The following ANKS6 variants were observed in gnomAD, a reference collection of about 807,000 sequenced individuals.
ANKS6 encodes the protein ankyrin repeat and SAM domain-containing protein 6.
In ANKS6, 47 loss-of-function variants were observed where a neutral mutation model predicts 77.9. The ratio of observed to expected loss-of-function variants is 0.60; its 90% CI spans 0.48 to 0.77. The LOEUF (loss-of-function observed/expected upper bound fraction) is 0.77, where lower values mean the gene tolerates loss of function less well. Ranked by LOEUF, ANKS6 falls within the 30% of genes least tolerant of loss-of-function variation. The pLI, the probability that ANKS6 is intolerant of heterozygous loss-of-function variation, is 0.00. For missense variants in ANKS6, 1,150 were observed against 1,159.1 expected (o/e 0.99, Z 0.11); for synonymous variants, 488 against 501.7 (o/e 0.97, Z 0.37).
chr9:98,734,198 T>TG lies in ANKS6; in HGVS notation c.*2320dup. The TG allele has an allele frequency of 1.0e-6, 1 of 985,484 alleles. No individual in the cohort carries two copies. Among genetic ancestry groups the TG allele is most frequent in the South Asian group, 4.7e-5 (1 of 21,292 alleles). 61.0% of individuals were successfully genotyped at this position (985,484 alleles called of 1,614,324 possible). A position where few individuals can be genotyped will look rare whatever the true frequency, so the allele number is the denominator to read the frequency against. On this transcript the variant is annotated 3_prime_UTR_variant, in exon 15 of 15. Coordinates refer to ENST00000353234, the MANE Select transcript of ANKS6 (RefSeq NM_173551.5). The stretch of plus-strand genomic sequence containing the variant: ...ACAAACTTCCTAGGATGAAAAGCCT[T>TG]GGACACTTGAGTCCAGTGAAAAAGA...
At position 98,744,427 on chromosome 9, in the gene ANKS6, G is replaced by T. The variant is rs180914952; in HGVS notation, c.2511+1132C>A. On this transcript the variant is annotated intron_variant, in intron 14 of 14. Coordinates refer to ENST00000353234, the MANE Select transcript of ANKS6 (RefSeq NM_173551.5). The stretch of plus-strand genomic sequence containing the variant: ...TCCACTGCCCACCACCGCGTGACCT[G>T]GGCACCATGCTCCCCTCCCTAGACT... 7.2e-5 allele frequency among the ~76,000 whole-genome samples: 11 copies of T among 152,298 alleles called. No individual in the cohort carries two copies. In the East Asian group the frequency reaches 2.1e-3, roughly 29 times the overall value.
In ANKS6 at chr9:98,733,618, A is replaced by G; in HGVS notation, c.*2901T>C. 2.0e-6 allele frequency: 2 copies of G among 985,482 alleles called. No homozygotes were observed. Among genetic ancestry groups the G allele is most frequent in the Non-Finnish European group, 2.4e-6 (2 of 829,968 alleles). The allele number at this position is 985,482 out of a possible 1,614,324, so 61.0% of individuals were successfully genotyped here. On this transcript the variant is annotated 3_prime_UTR_variant, in exon 15 of 15. Coordinates refer to ENST00000353234, the MANE Select transcript of ANKS6 (RefSeq NM_173551.5). ...AAGCGGGGCTTCTCCAATGGTGTCC[A>G]AGGAATTCCAGTCTTGCAAAAGCAC... is the stretch of plus-strand genomic sequence containing the variant.
intron 12 of ANKS6, among the ~76,000 whole-genome samples, chr9:98,754,204 G>A (rs928491719): frequency 1.3e-5 from 2 of 152,218 alleles, no homozygotes; most frequent in African/African-American, 4.8e-5. Context: ...CAAATGTGAG[G>A]CTGAGAAGGT....
chr9:98,786,408 C>CT lies in ANKS6; in HGVS notation c.863-1533dup, dbSNP rs952019972. ...CCGGGTTCAAGCGATTCTCCTGCCT[C>CT]TGCTTCCAGAACAGCTGGGATTACA... On this transcript the variant is annotated intron_variant, in intron 2 of 14. Coordinates refer to ENST00000353234, the MANE Select transcript of ANKS6 (RefSeq NM_173551.5). 6.1e-4 allele frequency among the ~76,000 whole-genome samples: 92 copies of CT among 151,884 alleles called. 1 individual carries two copies. Among genetic ancestry groups the CT allele is most frequent in the African/African-American group, 2.2e-3 (91 of 41,324 alleles).
intron 12 of ANKS6, among the ~76,000 whole-genome samples, chr9:98,755,510 C>T (rs1421565122): frequency 6.6e-6 from 1 of 152,236 alleles, no homozygotes; most frequent in Non-Finnish European, 1.5e-5. Flanking sequence ...CTTCCCTCAT[C>T]ATTCCCGCAT....
chr9:98,771,049 A>G lies in ANKS6; in HGVS notation c.1822-3T>C. 1 of 1,556,300 alleles carries G rather than the reference A, an allele frequency of 6.4e-7. No individual in the cohort carries two copies. The highest frequency in any genetic ancestry group is 8.7e-7 in the Non-Finnish European group (1 of 1,150,670). On this transcript the variant is annotated splice_region_variant and splice_polypyrimidine_tract_variant and intron_variant, in intron 9 of 14. Transcript: ENST00000353234. ...AATTTAACAGGCCTGACGGGTGTCT[A>G]CAAGAATAAGGCAGGTGCAGCACTT...
At chr9:98,758,582 T>C (rs1588355262) in intron 11 of ANKS6, among the ~76,000 whole-genome samples, 1 of 152,200 alleles carries the variant, frequency 6.6e-6, no homozygotes, top group African/African-American at 2.4e-5. Flanking sequence ...CACTAACCGA[T>C]GTATACACAC....
In ANKS6 at chr9:98,785,430, C is replaced by T. The variant is rs1834512251; in HGVS notation, c.863-554G>A. Among the ~76,000 whole-genome samples, 4 of 152,242 alleles carry T rather than the reference C, an allele frequency of 2.6e-5. No homozygotes were observed. The South Asian group carries it at 8.3e-4, about 31-fold the overall frequency. The stretch of plus-strand genomic sequence containing the variant: ...GCTCCCTCCTCCAAACCTGCAGACA[C>T]AGCTGGCCAAAAGCCGCTGCCCAAC... On this transcript the variant is annotated intron_variant, in intron 2 of 14. Coordinates refer to ENST00000353234, the MANE Select transcript of ANKS6 (RefSeq NM_173551.5).
intron 2 of ANKS6, 111 bp downstream of exon 2, chr9:98,789,993 A>G (rs1834802597): frequency 4.2e-6 from 6 of 1,419,988 alleles, no homozygotes; most frequent in Non-Finnish European, 2.8e-6. Flanking sequence ...AGTGGTCTGC[A>G]GGGCTGGACT....
At position 98,788,878 on chromosome 9, in the gene ANKS6, C is replaced by A. The variant is rs1460269537; in HGVS notation, c.862+1226G>T. Among the ~76,000 whole-genome samples the A allele has an allele frequency of 3.3e-5, 5 of 152,212 alleles. No individual in the cohort carries two copies. The East Asian group carries it at 9.6e-4, about 29-fold the overall frequency. ...TCCCTCTCTGGGCCTCAGTTTCCCA[C>A]CTGGACAAAGTAAGAGGTCTCTTGG... On this transcript the variant is annotated intron_variant, in intron 2 of 14. Coordinates refer to ENST00000353234, the MANE Select transcript of ANKS6 (RefSeq NM_173551.5).
chr9:98,774,845 A>G (rs1456635301), intron 8 of ANKS6, among the ~76,000 whole-genome samples: 1 of 152,240 alleles, frequency 6.6e-6, no homozygotes, highest in Admixed American at 6.5e-5. Context: ...TTTGTGCCAG[A>G]TGGAGCTTTG....
Position 98,791,450 on chromosome 9 carries a change from A to G in ANKS6, c.360-844T>C, listed in dbSNP as rs1205221086. Reference sequence around the variant, plus strand: ...TGAAGAGAAAGATCTGCACCCACCAACTTCCTAGTACCAGGAGAAGGAAAA... The same window carrying G: ...TGAAGAGAAAGATCTGCACCCACCAGCTTCCTAGTACCAGGAGAAGGAAAA... On this transcript the variant is annotated intron_variant, in intron 1 of 14. Coordinates refer to ENST00000353234, the MANE Select transcript of ANKS6 (RefSeq NM_173551.5). This position sits in a 1 kb window ranked among gnomAD's most constrained non-coding sequence, Gnocchi z 4.3. Among the ~76,000 whole-genome samples, 2 of 152,194 alleles carry G rather than the reference A, an allele frequency of 1.3e-5. No individual in the cohort carries two copies.
chr9:98,745,821 T>C (rs1168577265), intron 13 of ANKS6, 146 bp from the exon 14 acceptor site: 1 of 643,642 alleles, frequency 1.6e-6, no homozygotes, highest in East Asian at 2.7e-5. Context: ...TGACTTTATG[T>C]TTAGAGTTTC....
intron 3 of ANKS6, chr9:98,784,394 G>C (rs919561369): frequency 2.2e-6 from 1 of 449,636 alleles, no homozygotes; most frequent in Non-Finnish European, 3.9e-6. Flanking sequence ...AGACAGAAGT[G>C]TTGTTAGTGT....
intron 2 of ANKS6, among the ~76,000 whole-genome samples, chr9:98,786,809 G>A (rs1296593906): frequency 6.6e-6 from 1 of 152,156 alleles, no homozygotes; most frequent in African/African-American, 2.4e-5. Context: ...CTTAGTGTTG[G>A]CTGCTAAGCA....
chr9:98,796,379 T>TCGGCTGGCTCCGCCGCCCC lies in ANKS6; in HGVS notation c.94_112dup (p.Glu38GlyfsTer105). ...GCCCGCCTCCGGCTCCGCGCCGCGC[T>TCGGCTGGCTCCGCCGCCCC]CGGCTGGCTCCGCCGCCCCCGGCTC... On this transcript the variant is annotated frameshift_variant, in exon 1 of 15. Coordinates refer to ENST00000353234, the MANE Select transcript of ANKS6 (RefSeq NM_173551.5). LOFTEE classifies it high-confidence loss of function. 1 of 1,018,000 alleles carries TCGGCTGGCTCCGCCGCCCC rather than the reference T, an allele frequency of 9.8e-7. No individual in the cohort carries two copies. Among genetic ancestry groups the TCGGCTGGCTCCGCCGCCCC allele is most frequent in the Non-Finnish European group, 1.2e-6 (1 of 853,682 alleles). The allele number at this position is 1,018,000 out of a possible 1,614,324, so 63.1% of individuals were successfully genotyped here. A position where few individuals can be genotyped will look rare whatever the true frequency, so the allele number is the denominator to read the frequency against.
chr9:98,795,025 C>T (rs970574244), intron 1 of ANKS6, among the ~76,000 whole-genome samples: 6 of 152,102 alleles, frequency 3.9e-5, no homozygotes, highest in African/African-American at 9.7e-5. Context: ...CTTTCTGCTG[C>T]GGAGGGACCA....
chr9:98,733,202 A>C lies in ANKS6; in HGVS notation c.*3317T>G. 6 of 985,372 alleles carry C rather than the reference A, an allele frequency of 6.1e-6. No homozygotes were observed. The highest frequency in any genetic ancestry group is 7.2e-6 in the Non-Finnish European group (6 of 829,872). The allele number at this position is 985,372 out of a possible 1,614,324, so 61.0% of individuals were successfully genotyped here. A position where few individuals can be genotyped will look rare whatever the true frequency, so the allele number is the denominator to read the frequency against. On this transcript the variant is annotated 3_prime_UTR_variant, in exon 15 of 15. Coordinates refer to ENST00000353234, the MANE Select transcript of ANKS6 (RefSeq NM_173551.5). ...GATGCTCAGTAAACGTTCGGTAAAC[A>C]AAAGAATTAAAAAATAAACAATCTC...
intron 1 of ANKS6, among the ~76,000 whole-genome samples, chr9:98,795,404 A>T (rs562691330): frequency 5.0e-4 from 76 of 151,890 alleles, no homozygotes; most frequent in Non-Finnish European, 1.0e-3. Context: ...ACTCCCTAGC[A>T]CCCTAGGATA....
Sources: gnomAD v4.1 joint callset for allele counts (sites outside exome capture counted in the v4.1 genomes callset) on GRCh38, gnomAD v4.1.1 for gene constraint, Gnocchi (gnomAD v3.1) non-coding constraint, MANE v1.5 for transcripts, NCBI Gene and HGNC (gene_info 2026-07-23, HGNC 2026-07-21) for gene names.